AGPAT3: variants seen among roughly 807,000 people sequenced by gnomAD.
The protein encoded by AGPAT3 is 1-acyl-sn-glycerol-3-phosphate acyltransferase gamma.
A neutral mutation model predicts 47.3 loss-of-function variants in AGPAT3; 5 were observed. The ratio of observed to expected loss-of-function variants is 0.11; its 90% CI spans 0.06 to 0.22. AGPAT3 has a LOEUF of 0.22. Ranked by LOEUF, AGPAT3 falls within the 10% of genes least tolerant of loss-of-function variation. The probability of loss-of-function intolerance (pLI) is 1.00; values close to 1 mark genes in which losing one functional copy is unlikely to be tolerated. For missense variants in AGPAT3, 315 were observed against 493.0 expected, an observed-to-expected ratio of 0.64 and a Z score of 3.42; for synonymous variants, 212 against 208.3, an observed-to-expected ratio of 1.02 and a Z score of -0.15.
chr21:43,943,996 C>T (rs965157696), intron 2 of AGPAT3, among the ~76,000 whole-genome samples: 4 of 152,208 alleles, frequency 2.6e-5, no homozygotes, highest in African/African-American at 9.6e-5. Flanking sequence ...GAGGCTGCCT[C>T]GGGAAGCAAG....
intron 2 of AGPAT3, among the ~76,000 whole-genome samples, chr21:43,928,123 C>A (rs774617741): frequency 6.6e-6 from 1 of 152,178 alleles, no homozygotes; most frequent in African/African-American, 2.4e-5. Flanking sequence ...AATAACCACT[C>A]GGCCCACCGG....
In AGPAT3 at chr21:43,920,296, G is replaced by A. The variant is rs4819345; in HGVS notation, c.-49+16277G>A. On this transcript the variant is annotated intron_variant, in intron 2 of 9. Transcript: ENST00000291572. This position sits in a 1 kb window ranked among gnomAD's most constrained non-coding sequence, Gnocchi z 6.1. The stretch of plus-strand genomic sequence containing the variant: ...AATGTGTCAGTGTGAGAGTGTGTGT[G>A]TGCGTGTGAGTGTTGAATGTGTGTG... Among the ~76,000 whole-genome samples, 115,167 of 151,758 alleles carry A rather than the reference G, an allele frequency of 0.76. 43,797 individuals are homozygous for A. Among genetic ancestry groups the A allele is most frequent in the Admixed American group, 0.83 (12,699 of 15,256 alleles).
At chr21:43,899,422 A>G (rs942926888) in intron 1 of AGPAT3, among the ~76,000 whole-genome samples, 2 of 152,172 alleles carry the variant, frequency 1.3e-5, no homozygotes, top group Admixed American at 1.3e-4. Flanking sequence ...TCAAGAAAGG[A>G]CGACCACAGG....
intron 2 of AGPAT3, among the ~76,000 whole-genome samples, chr21:43,956,809 C>T (rs778541118): frequency 4.6e-5 from 7 of 152,196 alleles, no homozygotes; most frequent in South Asian, 2.1e-4. Flanking sequence ...AAGGACCTGC[C>T]GCTCACACAT....
intron 2 of AGPAT3, among the ~76,000 whole-genome samples, chr21:43,956,975 C>T (rs559733258): frequency 6.6e-6 from 1 of 152,336 alleles, no homozygotes; most frequent in Admixed American, 6.5e-5. Context: ...GACCCCTCCA[C>T]CTTTCGAGGG....
At chr21:43,887,586 G>A (rs1156688947) in intron 1 of AGPAT3, among the ~76,000 whole-genome samples, 13 of 151,332 alleles carry the variant, frequency 8.6e-5, no homozygotes, top group Admixed American at 4.0e-4. Context: ...GTGCGCACAC[G>A]CACACACACA....
At chr21:43,980,433 G>A (rs989694831) in intron 8 of AGPAT3, among the ~76,000 whole-genome samples, 1 of 152,228 alleles carries the variant, frequency 6.6e-6, no homozygotes, top group Non-Finnish European at 1.5e-5. Flanking sequence ...CTGTGCCTTT[G>A]ACATTCCCAC....
intron 4 of AGPAT3, among the ~76,000 whole-genome samples, chr21:43,968,789 G>A (rs2089265378): frequency 6.6e-6 from 1 of 152,118 alleles, no homozygotes; most frequent in Non-Finnish European, 1.5e-5. Flanking sequence ...ACTCCCCGAT[G>A]CTGGCAGAAG....
chr21:43,914,204 C>T (rs2086684680), intron 2 of AGPAT3, among the ~76,000 whole-genome samples: 2 of 152,202 alleles, frequency 1.3e-5, no homozygotes, highest in African/African-American at 2.4e-5. Context: ...GCCTGCGAGG[C>T]CTGGGGCCCC....
chr21:43,868,342 C>T (rs1317122626), intron 1 of AGPAT3, among the ~76,000 whole-genome samples: 1 of 152,094 alleles, frequency 6.6e-6, no homozygotes, highest in Non-Finnish European at 1.5e-5. Context: ...GAAAGCAACA[C>T]AACTATCCTT....
chr21:43,969,302 T>TA (rs752892656), intron 5 of AGPAT3, 23 bp downstream of exon 5: 2 of 1,612,814 alleles, frequency 1.2e-6, no homozygotes, highest in Admixed American at 3.3e-5. Flanking sequence ...AGCAGCCCGA[T>TA]ACCCTGCATG....
At chr21:43,889,625 T>A (rs2086058244) in intron 1 of AGPAT3, among the ~76,000 whole-genome samples, 1 of 152,222 alleles carries the variant, frequency 6.6e-6, no homozygotes, top group Admixed American at 6.5e-5. Context: ...GATTTCCCAG[T>A]GCATACAGAA....
intron 1 of AGPAT3, among the ~76,000 whole-genome samples, chr21:43,873,611 C>A (rs900187486): frequency 1.3e-5 from 2 of 152,216 alleles, no homozygotes; most frequent in African/African-American, 4.8e-5. Context: ...CTCCTGACCT[C>A]AGGTGATCCT....
chr21:43,907,934 G>C (rs532569002), intron 2 of AGPAT3, among the ~76,000 whole-genome samples: 2 of 152,184 alleles, frequency 1.3e-5, no homozygotes, highest in Non-Finnish European at 2.9e-5. Context: ...CCTCTCCGTC[G>C]CACGGCTCCG....
rs1387597947 is a variant in AGPAT3 at position 43,914,111 on chromosome 21, C to G, written c.-49+10092C>G. The stretch of plus-strand genomic sequence containing the variant: ...CTCTGCCTCTGCAGGCAGCCTGTTG[C>G]TCTGTGTCGTGGTTGAGGCTCATAA... On this transcript the variant is annotated intron_variant, in intron 2 of 9. Transcript: ENST00000291572. Among the ~76,000 whole-genome samples the G allele has an allele frequency of 2.0e-5, 3 of 152,294 alleles. No homozygotes were observed. The East Asian group carries it at 5.8e-4, about 29-fold the overall frequency.
intron 3 of AGPAT3, among the ~76,000 whole-genome samples, chr21:43,961,283 C>T (rs1263786980): frequency 6.6e-6 from 1 of 152,178 alleles, no homozygotes; most frequent in Non-Finnish European, 1.5e-5. Context: ...TTTGCATGAG[C>T]GCATAGACAC....
At position 43,970,153 on chromosome 21, in the gene AGPAT3, ACT is replaced by A. The variant is rs1320178745; in HGVS notation, c.511-498_511-497del. ...CCTCCAAGTTGCTGGGATTACAGGC[ACT>A]CACCACCACGACTGGCTAATTTTTG... On this transcript the variant is annotated intron_variant, in intron 5 of 9. Transcript: ENST00000291572. This position sits in a 1 kb window ranked among gnomAD's most constrained non-coding sequence, Gnocchi z 5.8. 1.1e-4 allele frequency among the ~76,000 whole-genome samples: 16 copies of A among 148,482 alleles called. No individual in the cohort carries two copies. Among genetic ancestry groups the A allele is most frequent in the African/African-American group, 4.0e-4 (16 of 40,064 alleles).
Position 43,908,720 on chromosome 21 carries a change from G to A in AGPAT3, c.-49+4701G>A, listed in dbSNP as rs1414271082. 6.6e-6 allele frequency among the ~76,000 whole-genome samples: 1 copy of A among 152,248 alleles called. No individual in the cohort carries two copies. Among genetic ancestry groups the A allele is most frequent in the African/African-American group, 2.4e-5 (1 of 41,460 alleles). ...GTTCTTTAAGAAAAGGCTAATTGCA[G>A]AGGATGCTCACTGATGAGGGCGAGG... On this transcript the variant is annotated intron_variant, in intron 2 of 9. Transcript: ENST00000291572. This position sits in a 1 kb window ranked among gnomAD's most constrained non-coding sequence, Gnocchi z 4.9.
intron 2 of AGPAT3, chr21:43,947,137 C>T (rs921675329): frequency 6.6e-6 from 1 of 152,464 alleles, no homozygotes; most frequent in African/African-American, 2.4e-5. Flanking sequence ...CCCTCATCCT[C>T]CCCTCGTCCT....
Sources: allele counts gnomAD v4.1 joint callset (sites outside exome capture counted in the v4.1 genomes callset), GRCh38; gene constraint gnomAD v4.1.1; non-coding constraint Gnocchi (gnomAD v3.1); transcripts MANE v1.5; gene names NCBI Gene and HGNC (gene_info 2026-07-23, HGNC 2026-07-21).